Variants in CNTN6 observed in about 807,000 individuals in gnomAD.
CNTN6 encodes the protein contactin 6, also known as contactin-6.
CNTN6 carries 137 observed loss-of-function variants against 122.8 expected under a neutral mutation model. The observed-to-expected ratio is 1.12, with a 90% CI of 0.97 to 1.29. The LOEUF (loss-of-function observed/expected upper bound fraction) is 1.29, where lower values mean the gene tolerates loss of function less well. Among genes scored for constraint, CNTN6 ranks in the 50% most tolerant of loss-of-function variants. CNTN6 has a pLI of 0.00. For missense variants in CNTN6, 1,634 were observed against 1,223.4 expected (o/e 1.34, Z -5.01); for synonymous variants, 570 against 426.0 (o/e 1.34, Z -4.16).
intron 20 of CNTN6, among the ~76,000 whole-genome samples, chr3:1,386,065 G>A (rs1416483135): frequency 6.6e-6 from 1 of 152,132 alleles, no homozygotes; most frequent in South Asian, 2.1e-4. Flanking sequence ...TGGCCCTGAC[G>A]CCCTCCTTCT....
chr3:1,111,622 A>T (rs1048922280), intron 1 of CNTN6, among the ~76,000 whole-genome samples: 3 of 152,204 alleles, frequency 2.0e-5, no homozygotes, highest in African/African-American at 7.2e-5. Flanking sequence ...ATGTAATTAA[A>T]TATTCTGGTG....
chr3:1,273,472 C>T (rs1301338071), intron 4 of CNTN6, among the ~76,000 whole-genome samples: 1 of 152,136 alleles, frequency 6.6e-6, no homozygotes, highest in Non-Finnish European at 1.5e-5. Flanking sequence ...TTCAGTCACC[C>T]TTGCCTCAGA....
chr3:1,219,676 A>G (rs1019785886), intron 2 of CNTN6, among the ~76,000 whole-genome samples: 1 of 152,200 alleles, frequency 6.6e-6, no homozygotes, highest in African/African-American at 2.4e-5. Flanking sequence ...AGGGAAATCA[A>G]GGAAAGACTG....
intron 1 of CNTN6, among the ~76,000 whole-genome samples, chr3:1,103,664 G>C (rs2091068454): frequency 6.6e-6 from 1 of 152,164 alleles, no homozygotes; most frequent in Non-Finnish European, 1.5e-5. Flanking sequence ...AAGCCAAACA[G>C]CAGTTTTTAA....
chr3:1,191,259 C>T (rs1190277662), intron 2 of CNTN6, among the ~76,000 whole-genome samples: 2 of 152,056 alleles, frequency 1.3e-5, no homozygotes, highest in Non-Finnish European at 2.9e-5. Flanking sequence ...TGATGTGACT[C>T]ATGGTGGGCT....
chr3:1,272,258 T>A (rs3772322), intron 4 of CNTN6, among the ~76,000 whole-genome samples: 98,310 of 152,016 alleles, frequency 0.65, 33,562 homozygotes, highest in East Asian at 0.86. Flanking sequence ...TGACTAATAC[T>A]CAAACTCTCT....
chr3:1,119,278 A>C (rs1328546895), intron 1 of CNTN6, among the ~76,000 whole-genome samples: 1 of 146,670 alleles, frequency 6.8e-6, no homozygotes, highest in African/African-American at 2.5e-5. Context: ...AAGCCCTTAG[A>C]ATATTAATGT....
At chr3:1,103,948 A>C (rs2091086149) in intron 1 of CNTN6, among the ~76,000 whole-genome samples, 1 of 152,136 alleles carries the variant, frequency 6.6e-6, no homozygotes, top group African/African-American at 2.4e-5. Flanking sequence ...ATTCTGATAA[A>C]TAATTTAACG....
At chr3:1,329,025 A>G (rs1039484352) in intron 10 of CNTN6, among the ~76,000 whole-genome samples, 1 of 151,592 alleles carries the variant, frequency 6.6e-6, no homozygotes, top group East Asian at 2.0e-4. Flanking sequence ...GCTAACCACA[A>G]TACAATACCA....
At chr3:1,327,362 C>T in intron 9 of CNTN6, 95 bp from the exon 10 acceptor site, 5 of 1,295,278 alleles carry the variant, frequency 3.9e-6, no homozygotes, top group African/African-American at 1.5e-5. Context: ...TATCAGATCT[C>T]ATAGATATAC....
chr3:1,125,999 TTTCCACCGTTAACTA>T (rs1378848418), intron 1 of CNTN6, among the ~76,000 whole-genome samples: 1 of 151,896 alleles, frequency 6.6e-6, no homozygotes, highest in Non-Finnish European at 1.5e-5. Flanking sequence ...GTATTCTCTC[TTTCCACCGTTAACTA>T]TACCCCAAAA....
At position 1,139,868 on chromosome 3, in the gene CNTN6, G is replaced by A. The variant is rs2092568689; in HGVS notation, c.-82-8059G>A. On this transcript the variant is annotated intron_variant, in intron 1 of 22. Transcript: ENST00000446702. ...AGCAGCGTATGACTGGTTGAAACATGGCTGCTGGGATTGGCCAAGACTCAG... is the reference window on the plus strand; with the variant it reads ...AGCAGCGTATGACTGGTTGAAACATAGCTGCTGGGATTGGCCAAGACTCAG... Among the ~76,000 whole-genome samples, 4 of 152,310 alleles carry A rather than the reference G, an allele frequency of 2.6e-5. No homozygotes were observed. In the South Asian group the frequency reaches 8.3e-4, roughly 32 times the overall value.
chr3:1,286,694 G>A (rs940523215), intron 5 of CNTN6, among the ~76,000 whole-genome samples: 2 of 152,006 alleles, frequency 1.3e-5, no homozygotes, highest in Non-Finnish European at 2.9e-5. Context: ...AACCTTAAAT[G>A]TAAACAGGCT....
At chr3:1,102,463 G>T (rs780208666) in intron 1 of CNTN6, among the ~76,000 whole-genome samples, 4 of 152,228 alleles carry the variant, frequency 2.6e-5, no homozygotes, top group Non-Finnish European at 5.9e-5. Context: ...GGGCGCGGTG[G>T]CTCCCGCCTG....
chr3:1,121,366 A>G (rs2091942866), intron 1 of CNTN6, among the ~76,000 whole-genome samples: 1 of 151,960 alleles, frequency 6.6e-6, no homozygotes. Context: ...TCAGTATTCC[A>G]TAGCTCCTTT....
chr3:1,218,052 A>G (rs1244390899), intron 2 of CNTN6, among the ~76,000 whole-genome samples: 1 of 152,092 alleles, frequency 6.6e-6, no homozygotes, highest in Non-Finnish European at 1.5e-5. Context: ...GGAAGAGGAG[A>G]GCCACAGCAG....
chr3:1,178,145 C>A (rs1423363395), intron 2 of CNTN6, among the ~76,000 whole-genome samples: 1 of 152,126 alleles, frequency 6.6e-6, no homozygotes, highest in Non-Finnish European at 1.5e-5. Context: ...AAATGATCCA[C>A]CCACCTCAGC....
intron 7 of CNTN6, among the ~76,000 whole-genome samples, chr3:1,307,285 A>G (rs1698513086): frequency 6.6e-6 from 1 of 152,162 alleles, no homozygotes; most frequent in African/African-American, 2.4e-5. Flanking sequence ...GGAGAGGGTC[A>G]CTGTCATTTC....
At chr3:1,214,865 T>C (rs4560281) in intron 2 of CNTN6, among the ~76,000 whole-genome samples, 51,739 of 151,990 alleles carry the variant, frequency 0.34, 10,330 homozygotes, top group African/African-American at 0.55. Flanking sequence ...CAAGTGATTC[T>C]CTCACTTCGT....
Sources: allele counts gnomAD v4.1 joint callset (sites outside exome capture counted in the v4.1 genomes callset), GRCh38; gene constraint gnomAD v4.1.1; transcripts MANE v1.5; gene names NCBI Gene and HGNC (gene_info 2026-07-23, HGNC 2026-07-21).